The following TMEM163 variants were observed in gnomAD, a reference collection of about 807,000 sequenced individuals.
The protein encoded by TMEM163 is transmembrane protein 163.
A neutral mutation model predicts 29.3 loss-of-function variants in TMEM163; 17 were observed. The observed-to-expected ratio is 0.58, with a 90% CI of 0.40 to 0.87. TMEM163 has a LOEUF of 0.87. TMEM163 is among the 40% of genes least tolerant of loss of function. The pLI, the probability that TMEM163 is intolerant of heterozygous loss-of-function variation, is 0.00. For synonymous variants in TMEM163, 157 were observed against 160.6 expected (o/e 0.98, Z 0.17); for missense variants, 303 against 381.5 (o/e 0.79, Z 1.71).
chr2:134,622,910 C>A (rs961474128), intron 2 of TMEM163, among the ~76,000 whole-genome samples: 1 of 152,042 alleles, frequency 6.6e-6, no homozygotes, highest in Non-Finnish European at 1.5e-5. Flanking sequence ...TTACAGGCGT[C>A]CGCCACCACA....
intron 4 of TMEM163, among the ~76,000 whole-genome samples, chr2:134,514,049 AG>A (rs1680003451): frequency 1.3e-5 from 2 of 152,214 alleles, no homozygotes; most frequent in African/African-American, 4.8e-5. Flanking sequence ...GCGTCTTTCC[AG>A]GGCATTCTGC....
chr2:134,470,267 G>T (rs1407993989), intron 5 of TMEM163, among the ~76,000 whole-genome samples: 2 of 151,266 alleles, frequency 1.3e-5, no homozygotes, highest in Admixed American at 1.3e-4. Context: ...TGAGGCAGGA[G>T]AATTGTGTGA....
At chr2:134,523,116 G>GT (rs879586394) in intron 4 of TMEM163, among the ~76,000 whole-genome samples, 4 of 152,182 alleles carry the variant, frequency 2.6e-5, no homozygotes, top group Admixed American at 1.3e-4. Context: ...AGACTGAAAC[G>GT]TGTGTACACA....
At chr2:134,535,245 G>T (rs148704140) in intron 4 of TMEM163, among the ~76,000 whole-genome samples, 1 of 152,134 alleles carries the variant, frequency 6.6e-6, no homozygotes, top group African/African-American at 2.4e-5. Context: ...CTGACACATC[G>T]TGCACATTGC....
intron 2 of TMEM163, among the ~76,000 whole-genome samples, chr2:134,650,101 A>G (rs1182382523): frequency 1.3e-5 from 2 of 151,732 alleles, no homozygotes; most frequent in Non-Finnish European, 2.9e-5. Context: ...TGGAAGGTAT[A>G]GGGCAATACG....
At chr2:134,604,797 A>G (rs560247613) in intron 2 of TMEM163, among the ~76,000 whole-genome samples, 1 of 152,370 alleles carries the variant, frequency 6.6e-6, no homozygotes, top group African/African-American at 2.4e-5. Flanking sequence ...TATACATGGT[A>G]AAATATTCTC....
chr2:134,488,429 G>A (rs1335516714), intron 5 of TMEM163, among the ~76,000 whole-genome samples: 12 of 152,156 alleles, frequency 7.9e-5, no homozygotes, highest in African/African-American at 4.8e-5. Flanking sequence ...CCCGTGCTGG[G>A]TGCTTCCTGC....
chr2:134,590,238 T>A (rs1681909584), intron 2 of TMEM163, among the ~76,000 whole-genome samples: 1 of 152,122 alleles, frequency 6.6e-6, no homozygotes, highest in Admixed American at 6.5e-5. Flanking sequence ...AAAGGTTAAG[T>A]AACTTGCCCT....
chr2:134,620,037 G>T (rs1682696054), intron 2 of TMEM163, among the ~76,000 whole-genome samples: 1 of 152,040 alleles, frequency 6.6e-6, no homozygotes, highest in Non-Finnish European at 1.5e-5. Context: ...CTAAATAGAA[G>T]AGAAATTCTT....
At chr2:134,456,814 A>T (rs1429155115) in intron 7 of TMEM163, 38 bp from the exon 8 acceptor site, 1 of 1,607,716 alleles carries the variant, frequency 6.2e-7, no homozygotes, top group Non-Finnish European at 8.5e-7. Flanking sequence ...CCTCCATGGC[A>T]TGGGGCTGAA....
At chr2:134,699,564 T>C (rs979449207) in intron 2 of TMEM163, among the ~76,000 whole-genome samples, 1 of 152,160 alleles carries the variant, frequency 6.6e-6, no homozygotes, top group Non-Finnish European at 1.5e-5. Flanking sequence ...TAAGTTTACA[T>C]ATTCTGATAT....
intron 2 of TMEM163, among the ~76,000 whole-genome samples, chr2:134,606,095 A>G (rs1467335269): frequency 6.6e-6 from 1 of 152,172 alleles, no homozygotes; most frequent in Non-Finnish European, 1.5e-5. Context: ...AGTTTTGGTA[A>G]AAGTTATATG....
intron 2 of TMEM163, among the ~76,000 whole-genome samples, chr2:134,700,268 A>C (rs1430984488): frequency 6.6e-6 from 1 of 152,210 alleles, no homozygotes; most frequent in Non-Finnish European, 1.5e-5. Context: ...CATCAGCTCC[A>C]AAACAGTTTC....
Position 134,598,929 on chromosome 2 carries a change from A to T in TMEM163, c.323-46838T>A, listed in dbSNP as rs530471330. 5.3e-5 allele frequency among the ~76,000 whole-genome samples: 7 copies of T among 132,478 alleles called. No homozygotes were observed. In the East Asian group the frequency reaches 1.4e-3, roughly 26 times the overall value. 86.9% of individuals were successfully genotyped at this position (132,478 alleles called of 152,430 possible). ...GAGTGAGACTCTATCTCAAAAAAAA[A>T]AAAAAAGAAAGAAAGAAAAGAAAGC... On this transcript the variant is annotated intron_variant, in intron 2 of 7. Coordinates refer to ENST00000281924, the MANE Select transcript of TMEM163 (RefSeq NM_030923.5).
chr2:134,515,975 T>A (rs1680049260), intron 4 of TMEM163, among the ~76,000 whole-genome samples: 1 of 152,150 alleles, frequency 6.6e-6, no homozygotes, highest in Non-Finnish European at 1.5e-5. Context: ...AGACTTGACA[T>A]GTAAATCAAC....
At chr2:134,649,154 A>T (rs999509082) in intron 2 of TMEM163, among the ~76,000 whole-genome samples, 16 of 152,368 alleles carry the variant, frequency 1.1e-4, no homozygotes, top group African/African-American at 3.4e-4. Context: ...TATTCACATG[A>T]AATACAACAA....
At chr2:134,480,857 AG>A (rs1379931269) in intron 5 of TMEM163, among the ~76,000 whole-genome samples, 4 of 152,198 alleles carry the variant, frequency 2.6e-5, no homozygotes, top group Non-Finnish European at 4.4e-5. Flanking sequence ...TTTTTTATTG[AG>A]GTGTAATTAG....
At chr2:134,593,466 G>A (rs1681985460) in intron 2 of TMEM163, among the ~76,000 whole-genome samples, 1 of 152,154 alleles carries the variant, frequency 6.6e-6, no homozygotes, top group African/African-American at 2.4e-5. Flanking sequence ...GAAGGAAGCA[G>A]GACTTGTCAT....
chr2:134,466,016 A>T, intron 6 of TMEM163, 98 bp downstream of exon 6: 1 of 824,762 alleles, frequency 1.2e-6, no homozygotes, highest in Non-Finnish European at 1.9e-6. Flanking sequence ...CAAATTATTG[A>T]GTTCTCCAGC....
Sources: allele counts gnomAD v4.1 joint callset (sites outside exome capture counted in the v4.1 genomes callset), GRCh38; gene constraint gnomAD v4.1.1; transcripts MANE v1.5; gene names NCBI Gene and HGNC (gene_info 2026-07-23, HGNC 2026-07-21).